ZMAT2: variants seen among roughly 807,000 people sequenced by gnomAD.
ZMAT2 encodes the protein zinc finger matrin-type protein 2.
In ZMAT2, 5 loss-of-function variants were observed where a neutral mutation model predicts 27.5. The ratio of observed to expected loss-of-function variants is 0.18; its 90% confidence interval spans 0.10 to 0.38. ZMAT2 has a LOEUF of 0.38. ZMAT2 is among the 10% of genes least tolerant of loss of function. ZMAT2 has a pLI of 1.00. For missense variants in ZMAT2, 124 were observed against 243.9 expected (o/e 0.51, Z 3.27); for synonymous variants, 76 against 78.6 (o/e 0.97, Z 0.17).
intron 3 of ZMAT2, 105 bp from the exon 4 acceptor site, chr5:140,703,813 T>C (rs1274578282): frequency 9.5e-7 from 1 of 1,049,048 alleles, no homozygotes; most frequent in Non-Finnish European, 1.5e-6. Flanking sequence ...AAATGAAGGC[T>C]TAACACTTCT....
At chr5:140,705,454 C>G (rs991778768) in intron 5 of ZMAT2, among the ~76,000 whole-genome samples, 159 bp from the exon 6 acceptor site, 2 of 152,074 alleles carry the variant, frequency 1.3e-5, no homozygotes, top group East Asian at 3.9e-4. Flanking sequence ...GTTATATAAC[C>G]TCTTTGTGCC....
Position 140,700,812 on chromosome 5 carries a change from C to T in ZMAT2, c.19-7C>T. 1 of 1,613,578 alleles carries T rather than the reference C, an allele frequency of 6.2e-7. No individual in the cohort carries two copies. The highest frequency in any genetic ancestry group is 8.5e-7 in the Non-Finnish European group (1 of 1,179,772). ...CGACGGATCTTGACGCTTTTTCCTC[C>T]CCACAGACAAAAAACTTGGACTTTC... On this transcript the variant is annotated splice_region_variant and splice_polypyrimidine_tract_variant and intron_variant, in intron 1 of 5. Coordinates refer to ENST00000274712, the MANE Select transcript of ZMAT2 (RefSeq NM_144723.3).
rs1447986228 is a variant in ZMAT2 at position 140,705,697 on chromosome 5, G to A, written c.541G>A (p.Asp181Asn). 6.8e-6 allele frequency: 11 copies of A among 1,614,132 alleles called. No homozygotes were observed. The highest frequency in any genetic ancestry group is 1.7e-5 in the Admixed American group (1 of 60,024). ...GGAGGACTTGACATTTGAGGAGGAC[G>A]ATGAGATGGCAGCTGTGATGGGCTT... ...AEEDLTFEED[D>N]EMAAVMGFSG... The change falls in exon 6 of 6, where the codon GAT becomes AAT. Residue 181 changes from aspartate (D) to asparagine (N), a missense_variant. Physicochemically the swap from Asp to Asn is conservative, Grantham distance 23. Transcript: ENST00000274712.
chr5:140,703,295 G>A (rs1759998271), intron 3 of ZMAT2, among the ~76,000 whole-genome samples: 2 of 147,644 alleles, frequency 1.4e-5, no homozygotes, highest in African/African-American at 5.0e-5. Context: ...AGGATGAAAT[G>A]CAATGGTATG....
intron 3 of ZMAT2, among the ~76,000 whole-genome samples, chr5:140,702,352 T>C (rs2149861214): frequency 6.6e-6 from 1 of 152,244 alleles, no homozygotes; most frequent in South Asian, 2.1e-4. Flanking sequence ...GTTATTAGCA[T>C]TGGCTGGGCA....
chr5:140,704,809 A>T (rs2563301), intron 5 of ZMAT2, among the ~76,000 whole-genome samples: 127,949 of 144,468 alleles, frequency 0.89, 55,963 homozygotes, highest in South Asian at 0.93. Flanking sequence ...TTTGTAATTT[A>T]AAAAAAAATT....
Position 140,700,476 on chromosome 5 carries a change from G to A in ZMAT2, c.16G>A (p.Gly6Arg). MASGS[G>R]TKNLDFRRKW... The stretch of plus-strand genomic sequence containing the variant: ...CGCTGTGAAGATGGCGTCGGGCAGC[G>A]GGGTAGGTGTTGTGTCTGAGGAGGA... The change falls in exon 1 of 6, where the codon GGG becomes AGG. Residue 6 changes from glycine (G) to arginine (R), a missense_variant and splice_region_variant. Coordinates refer to ENST00000274712, the MANE Select transcript of ZMAT2 (RefSeq NM_144723.3). The A allele has an allele frequency of 1.2e-6, 2 of 1,613,070 alleles. No homozygotes were observed. Among genetic ancestry groups the A allele is most frequent in the Non-Finnish European group, 1.7e-6 (2 of 1,179,908 alleles).
At chr5:140,704,353 G>A (rs533285532) in intron 4 of ZMAT2, 73 bp from the exon 5 acceptor site, 5 of 1,531,162 alleles carry the variant, frequency 3.3e-6, no homozygotes, top group Non-Finnish European at 4.4e-6. Flanking sequence ...TGTCAGAGAA[G>A]TCAGGAAAAT....
chr5:140,705,808 G>T lies in ZMAT2; in HGVS notation c.*52G>T. 1 of 1,590,734 alleles carries T rather than the reference G, an allele frequency of 6.3e-7. No homozygotes were observed. Among genetic ancestry groups the T allele is most frequent in the Non-Finnish European group, 8.6e-7 (1 of 1,168,662 alleles). ...GCCTATGCTGGACCTAACTTTGCGT[G>T]TGTGTGTGTGTAGTAGGGGGTCATT... On this transcript the variant is annotated 3_prime_UTR_variant, in exon 6 of 6. Coordinates refer to ENST00000274712, the MANE Select transcript of ZMAT2 (RefSeq NM_144723.3).
chr5:140,701,011 A>G (rs1759951089), intron 2 of ZMAT2, 99 bp downstream of exon 2: 2 of 1,196,994 alleles, frequency 1.7e-6, no homozygotes, highest in Non-Finnish European at 1.2e-6. Flanking sequence ...CACGCGGTGT[A>G]AGCTCTGGCA....
intron 1 of ZMAT2, 34 bp from the exon 2 acceptor site, chr5:140,700,785 G>A (rs756835873): frequency 1.9e-6 from 3 of 1,610,470 alleles, no homozygotes; most frequent in Admixed American, 1.7e-5. Context: ...GCCCAGACAC[G>A]GCGACGGATC....
chr5:140,701,910 T>G, intron 2 of ZMAT2, 96 bp from the exon 3 acceptor site: 1 of 1,446,358 alleles, frequency 6.9e-7, no homozygotes, highest in Non-Finnish European at 9.3e-7. Context: ...GATTTTGAAA[T>G]GAGTAAGACC....
At chr5:140,700,547 A>G (rs1467012156) in intron 1 of ZMAT2, 69 bp downstream of exon 1, 28 of 1,608,292 alleles carry the variant, frequency 1.7e-5, no homozygotes, top group African/African-American at 2.7e-5. Context: ...AATAGAGACA[A>G]ACTCCTGCAC....
Position 140,703,429 on chromosome 5 carries a change from T to C in ZMAT2, c.237-489T>C, listed in dbSNP as rs183974776. ...TTGTATTTTTAGTAGAGACGGGGTT[T>C]CTCCGTGTTGGTCAGGCTAGTCTCG... On this transcript the variant is annotated intron_variant, in intron 3 of 5. Transcript: ENST00000274712. Among the ~76,000 whole-genome samples the C allele has an allele frequency of 4.4e-3, 667 of 152,050 alleles. 2 individuals carry two copies. Among genetic ancestry groups the C allele is most frequent in the African/African-American group, 0.015 (637 of 41,482 alleles).
chr5:140,701,975 T>G, intron 2 of ZMAT2, 31 bp from the exon 3 acceptor site: 1 of 1,591,752 alleles, frequency 6.3e-7, no homozygotes, highest in Non-Finnish European at 8.6e-7. Context: ...ACTATAATAT[T>G]GAAGGGACTT....
intron 2 of ZMAT2, among the ~76,000 whole-genome samples, chr5:140,701,155 T>C (rs1440161764): frequency 6.6e-6 from 1 of 152,176 alleles, no homozygotes; most frequent in Non-Finnish European, 1.5e-5. Context: ...GCTTGGCTCG[T>C]TTAATGCTTT....
chr5:140,701,920 C>A, intron 2 of ZMAT2, 86 bp from the exon 3 acceptor site: 1 of 1,502,750 alleles, frequency 6.7e-7, no homozygotes, highest in Admixed American at 2.1e-5. Context: ...TGAGTAAGAC[C>A]TGAATTTTGG....
rs745330064 is a variant in ZMAT2, at chr5:140,705,723, C to T, written c.567C>T (p.Phe189=). The part of the protein sequence containing the change: ...EDDEMAAVMG[F]SGFGSTKKSY The stretch of plus-strand genomic sequence containing the variant: ...ATGAGATGGCAGCTGTGATGGGCTT[C>T]TCTGGCTTTGGTTCCACCAAGAAGA... Residue 189 remains phenylalanine (F), a synonymous_variant, in exon 6 of 6, where the codon TTC becomes TTT. Transcript: ENST00000274712. The T allele has an allele frequency of 2.0e-5, 32 of 1,613,932 alleles. No individual in the cohort carries two copies. The highest frequency in any genetic ancestry group is 1.6e-4 in the Middle Eastern group (1 of 6,084).
In ZMAT2 at chr5:140,703,966, T is replaced by C. The variant is rs759374873; in HGVS notation, c.285T>C (p.Phe95=). ...CDCVVKDSIN[F]LDHINGKKHQ... ...GTGTGGTGAAGGACTCCATCAACTT[T>C]CTGGATCACATTAATGGAAAGAAAC... Residue 95 remains phenylalanine (F), a synonymous_variant, in exon 4 of 6, where the codon TTT becomes TTC. Transcript: ENST00000274712. 5 of 1,614,172 alleles carry C rather than the reference T, an allele frequency of 3.1e-6. No homozygotes were observed. Among genetic ancestry groups the C allele is most frequent in the South Asian group, 1.1e-5 (1 of 91,086 alleles).
Sources: gnomAD v4.1 joint callset for allele counts (sites outside exome capture counted in the v4.1 genomes callset) on GRCh38, gnomAD v4.1.1 for gene constraint, MANE v1.5 for transcripts, NCBI Gene and HGNC (gene_info 2026-07-23, HGNC 2026-07-21) for gene names.